Variants in BLVRA observed in about 807,000 individuals in gnomAD.
BLVRA encodes BVR A.
In BLVRA, 22 loss-of-function variants were observed where a neutral mutation model predicts 32.8. That is an observed-to-expected ratio of 0.67 (90% CI 0.48 to 0.96). The LOEUF is 0.96. Among genes scored for constraint, BLVRA ranks in the 40% least tolerant of loss-of-function variants. The pLI is 0.00. For missense variants in BLVRA, 323 were observed against 358.1 expected (o/e 0.90, Z 0.79); for synonymous variants, 119 against 141.3 (o/e 0.84, Z 1.12).
intron 2 of BLVRA, among the ~76,000 whole-genome samples, chr7:43,774,616 A>T (rs1398362610): frequency 6.6e-6 from 1 of 152,236 alleles, no homozygotes; most frequent in Admixed American, 6.5e-5. Context: ...TGACTTGGCA[A>T]TGCGGGCTCT....
chr7:43,775,206 C>G (rs1389190281), intron 2 of BLVRA, among the ~76,000 whole-genome samples: 2 of 152,102 alleles, frequency 1.3e-5, no homozygotes, highest in Admixed American at 6.6e-5. Context: ...GAGGGCATCC[C>G]TGTCTTGTGC....
At position 43,798,904 on chromosome 7, in the gene BLVRA, T is replaced by C. The variant is rs2132590650; in HGVS notation, c.353-1561T>C. On this transcript the variant is annotated intron_variant, in intron 5 of 7. Transcript: ENST00000265523. The stretch of plus-strand genomic sequence containing the variant: ...GCTGGAAAATACATAGTTTCTTTAA[T>C]AACCATGGATGTGGAAACACAGAGA... Among the ~76,000 whole-genome samples the C allele has an allele frequency of 2.0e-5, 3 of 150,658 alleles. 1 individual carries two copies. The South Asian group carries it at 6.3e-4, about 32-fold the overall frequency.
intron 6 of BLVRA, among the ~76,000 whole-genome samples, chr7:43,802,496 T>TTA (rs914857080): frequency 4.0e-5 from 6 of 151,788 alleles, no homozygotes; most frequent in South Asian, 4.2e-4. Flanking sequence ...TTTTTTATGT[T>TTA]TATATATATA....
chr7:43,803,965 G>A, intron 7 of BLVRA, 118 bp downstream of exon 7: 2 of 1,180,436 alleles, frequency 1.7e-6, no homozygotes, highest in Non-Finnish European at 2.5e-6. Flanking sequence ...CAGAAGGGCT[G>A]TCTGCTTCTG....
At chr7:43,791,160 C>G in intron 3 of BLVRA, 89 bp from the exon 4 acceptor site, 1 of 1,590,494 alleles carries the variant, frequency 6.3e-7, no homozygotes. Flanking sequence ...GGCAGCAGAT[C>G]ACCAGGACCT....
At chr7:43,766,644 A>AG (rs149198800) in intron 1 of BLVRA, among the ~76,000 whole-genome samples, 240 of 152,316 alleles carry the variant, frequency 1.6e-3, no homozygotes, top group African/African-American at 5.3e-3. Context: ...AGGTGGAGCC[A>AG]GATCTCGCTT....
rs145679201 is a variant in BLVRA, at chr7:43,787,907, G to C, written c.16G>C (p.Glu6Gln). The change falls in exon 3 of 8, where the codon GAG (glutamate) becomes CAG (glutamine). Residue 6 changes from glutamate to glutamine, a missense_variant. Coordinates refer to ENST00000265523, the MANE Select transcript of BLVRA (RefSeq NM_000712.4). This position sits in a 1 kb window ranked among gnomAD's most constrained non-coding sequence, Gnocchi z 4.5. The part of the protein sequence containing the change: MNAEP[E>Q]RKFGVVVVGV... Reference sequence around the variant, plus strand: ...ACCTTGGTCCCTTGTGTTTCAGCCCGAGAGGAAGTTTGGCGTGGTGGTGGT... The same window carrying C: ...ACCTTGGTCCCTTGTGTTTCAGCCCCAGAGGAAGTTTGGCGTGGTGGTGGT... The C allele has an allele frequency of 1.2e-6, 2 of 1,614,144 alleles. No homozygotes were observed. Among genetic ancestry groups the C allele is most frequent in the Non-Finnish European group, 1.7e-6 (2 of 1,180,022 alleles).
Position 43,763,908 on chromosome 7 carries a change from T to TA in BLVRA, c.-22+5180dup, listed in dbSNP as rs529688743. ...TGAAATCTGAGAACTTGGAGCGCCT[T>TA]AAAAAATCTAAAGGAAAACAAAACA... On this transcript the variant is annotated intron_variant, in intron 1 of 7. Coordinates refer to ENST00000265523, the MANE Select transcript of BLVRA (RefSeq NM_000712.4). 1.1e-4 allele frequency among the ~76,000 whole-genome samples: 17 copies of TA among 152,264 alleles called. No individual in the cohort carries two copies. The East Asian group carries it at 2.9e-3, about 26-fold the overall frequency.
At chr7:43,773,873 A>C (rs1340852078) in intron 2 of BLVRA, among the ~76,000 whole-genome samples, 2 of 152,122 alleles carry the variant, frequency 1.3e-5, no homozygotes, top group African/African-American at 4.8e-5. Flanking sequence ...TTTGATTTGC[A>C]TTTCTCTGAT....
intron 5 of BLVRA, among the ~76,000 whole-genome samples, chr7:43,795,623 A>T (rs999331077): frequency 6.6e-6 from 1 of 152,234 alleles, no homozygotes; most frequent in South Asian, 2.1e-4. Context: ...TCTCAATTCA[A>T]CATCCTAACT....
At chr7:43,759,546 G>A (rs748793107) in intron 1 of BLVRA, among the ~76,000 whole-genome samples, 3 of 152,168 alleles carry the variant, frequency 2.0e-5, no homozygotes, top group Admixed American at 1.3e-4. Flanking sequence ...AAAAGTGGGG[G>A]TAATCATAAT....
intron 1 of BLVRA, among the ~76,000 whole-genome samples, chr7:43,765,842 A>G (rs1563535006): frequency 6.6e-6 from 1 of 152,244 alleles, no homozygotes; most frequent in African/African-American, 2.4e-5. Context: ...GTATTCATAA[A>G]AATTTAAATG....
intron 1 of BLVRA, among the ~76,000 whole-genome samples, chr7:43,765,099 G>A (rs1007618313): frequency 2.0e-5 from 3 of 152,214 alleles, no homozygotes; most frequent in Non-Finnish European, 4.4e-5. Context: ...GTAGATACGG[G>A]GGGAGGAGAA....
rs2095738962 is a variant in BLVRA at position 43,758,725 on chromosome 7, C to G, written c.-31C>G. 6.6e-6 allele frequency: 1 copy of G among 152,186 alleles called. No individual in the cohort carries two copies. The highest frequency in any genetic ancestry group is 6.5e-5 in the Admixed American group (1 of 15,272). The allele number at this position is 152,186 out of a possible 1,614,324, so 9.4% of individuals were successfully genotyped here. ...CCCGGAGGCTGCACGGAGAGCGGTG[C>G]CCGCGTCAGGTGAGGCGCGCGCGGG... On this transcript the variant is annotated 5_prime_UTR_variant, in exon 1 of 8. Coordinates refer to ENST00000265523, the MANE Select transcript of BLVRA (RefSeq NM_000712.4).
intron 1 of BLVRA, among the ~76,000 whole-genome samples, chr7:43,760,484 C>G (rs967250883): frequency 6.6e-6 from 1 of 152,126 alleles, no homozygotes; most frequent in South Asian, 2.1e-4. Flanking sequence ...TTTGGCGTAT[C>G]CAGGACTCTG....
intron 1 of BLVRA, among the ~76,000 whole-genome samples, chr7:43,768,292 C>T (rs1163535903): frequency 4.6e-5 from 7 of 152,088 alleles, no homozygotes; most frequent in Admixed American, 3.9e-4. Flanking sequence ...CCCGTTTGAC[C>T]GTCGTTGTTG....
intron 1 of BLVRA, among the ~76,000 whole-genome samples, 172 bp from the exon 2 acceptor site, chr7:43,770,966 G>A (rs1033936955): frequency 1.7e-4 from 26 of 152,298 alleles, no homozygotes; most frequent in African/African-American, 6.0e-4. Context: ...CCCCAAAGTA[G>A]ACACTGGCCT....
At position 43,765,889 on chromosome 7, in the gene BLVRA, T is replaced by G. The variant is rs190880896; in HGVS notation, c.-21-5249T>G. Among the ~76,000 whole-genome samples the G allele has an allele frequency of 4.6e-3, 696 of 152,324 alleles. 3 individuals are homozygous for G. Among genetic ancestry groups the G allele is most frequent in the Non-Finnish European group, 8.4e-3 (574 of 68,028 alleles). ...GGGGAAAGGATTAAATATTCGATAA[T>G]GTAGAAACAACTCAACTATTTGGAG... On this transcript the variant is annotated intron_variant, in intron 1 of 7. Coordinates refer to ENST00000265523, the MANE Select transcript of BLVRA (RefSeq NM_000712.4).
rs2095804692 is a variant in BLVRA at position 43,807,020 on chromosome 7, A to G, written c.676A>G (p.Asn226Asp). 1 of 1,614,204 alleles carries G rather than the reference A, an allele frequency of 6.2e-7. No homozygotes were observed. The highest frequency in any genetic ancestry group is 8.5e-7 in the Non-Finnish European group (1 of 1,180,010). Residue 226 changes from asparagine (N) to aspartate (D), a missense_variant, in exon 8 of 8, where the codon AAC becomes GAC. Physicochemically the swap from Asn to Asp is conservative, Grantham distance 23. Transcript: ENST00000265523. ...AGAAAAAGGACCTGGTCTAAAACGA[A>G]ACAGATATTTAAGCTTCCATTTCAA... ...IEEKGPGLKR[N>D]RYLSFHFKSG...
Sources: allele counts gnomAD v4.1 joint callset (sites outside exome capture counted in the v4.1 genomes callset), GRCh38; gene constraint gnomAD v4.1.1; non-coding constraint Gnocchi (gnomAD v3.1); transcripts MANE v1.5; gene names NCBI Gene and HGNC (gene_info 2026-07-23, HGNC 2026-07-21).